The following TMEFF2 variants were observed in gnomAD, a reference collection of about 807,000 sequenced individuals.
The protein encoded by TMEFF2 is transmembrane protein with EGF like and two follistatin like domains 2, also known as tomoregulin-2.
Under a neutral mutation model 53.8 loss-of-function variants are expected in TMEFF2, and 28 were observed. The ratio of observed to expected loss-of-function variants is 0.52; its 90% CI spans 0.39 to 0.71. The LOEUF (loss-of-function observed/expected upper bound fraction) is 0.71, where lower values mean the gene tolerates loss of function less well. Among genes scored for constraint, TMEFF2 ranks in the 30% least tolerant of loss-of-function variants. The probability of loss-of-function intolerance (pLI) is 0.00; values close to 1 mark genes in which losing one functional copy is unlikely to be tolerated. For missense variants in TMEFF2, 353 were observed against 455.2 expected (o/e 0.78, Z 2.04); for synonymous variants, 162 against 166.3 (o/e 0.97, Z 0.20).
chr2:192,096,670 CTTTTTT>C (rs1179296312), intron 4 of TMEFF2, among the ~76,000 whole-genome samples: 8 of 53,688 alleles, frequency 1.5e-4, no homozygotes, highest in African/African-American at 1.1e-3. Flanking sequence ...CTCTCTCTCT[CTTTTTT>C]TTTTTTTTTT....
intron 7 of TMEFF2, among the ~76,000 whole-genome samples, chr2:191,974,468 T>A (rs1692742818): frequency 6.6e-6 from 1 of 152,124 alleles, no homozygotes; most frequent in Non-Finnish European, 1.5e-5. Flanking sequence ...ATAAAGTATA[T>A]TGGCTTTTTT....
chr2:192,019,908 A>T (rs886506976), intron 5 of TMEFF2, among the ~76,000 whole-genome samples: 2 of 152,092 alleles, frequency 1.3e-5, no homozygotes, highest in Admixed American at 6.6e-5. Flanking sequence ...TACTGCAGTT[A>T]TACTATTTTT....
At position 192,164,465 on chromosome 2, in the gene TMEFF2, CATGCCTGTA is replaced by C. The variant is rs1395902762; in HGVS notation, c.439+15194_439+15202del. ...TAATTACAGGCCAGGCGCGGTGGCT[CATGCCTGTA>C]ATCCCAGCACTTTGGGAGGCTGAGG... On this transcript the variant is annotated intron_variant, in intron 4 of 9. Transcript: ENST00000272771. 2.0e-5 allele frequency among the ~76,000 whole-genome samples: 3 copies of C among 152,256 alleles called. No individual in the cohort carries two copies. In the East Asian group the frequency reaches 5.8e-4, roughly 29 times the overall value.
Position 192,194,458 on chromosome 2 carries a change from G to C in TMEFF2, c.67C>G (p.Leu23Val), listed in dbSNP as rs150944192. 1.2e-6 allele frequency: 2 copies of C among 1,614,058 alleles called. No individual in the cohort carries two copies. Among genetic ancestry groups the C allele is most frequent in the African/African-American group, 1.3e-5 (1 of 74,918 alleles). The change falls in exon 1 of 10, where the codon CTG becomes GTG. Residue 23 changes from leucine to valine, a missense_variant. Physicochemically the swap from Leu to Val is conservative, Grantham distance 32 (BLOSUM62 1). Around this residue, in one of 3 missense-constraint regions of TMEFF2, gnomAD observed 54 missense variants for 41.8 expected, o/e 1.29. Coordinates refer to ENST00000272771, the MANE Select transcript of TMEFF2 (RefSeq NM_016192.4). The surrounding 1 kb of genome is among the most constrained non-coding windows in gnomAD (Gnocchi z 4.2). ...WTLCEGFCWL[L>V]LLPVMLLIVA... ...ATGAGTAGCATGACGGGCAGCAGCA[G>C]CAGCCAGCAAAAGCCCTCGCAAAGT...
chr2:192,101,171 C>T lies in TMEFF2; in HGVS notation c.440-43396G>A, dbSNP rs538289083. ...GGTTTACTGTGTTTCAGCAGCTTAG[C>T]TAGTGAAACAGTAGAGTTTAATTAT... On this transcript the variant is annotated intron_variant, in intron 4 of 9. Transcript: ENST00000272771. Among the ~76,000 whole-genome samples the T allele has an allele frequency of 4.6e-5, 7 of 152,246 alleles. No individual in the cohort carries two copies. The South Asian group carries it at 1.5e-3, about 32-fold the overall frequency.
At chr2:192,147,051 G>T (rs1368197275) in intron 4 of TMEFF2, among the ~76,000 whole-genome samples, 1 of 152,048 alleles carries the variant, frequency 6.6e-6, no homozygotes, top group Non-Finnish European at 1.5e-5. Context: ...GATGACAACT[G>T]CACTTTACTT....
chr2:192,056,344 G>T (rs1353453493), intron 5 of TMEFF2, among the ~76,000 whole-genome samples: 1 of 151,814 alleles, frequency 6.6e-6, no homozygotes, highest in Admixed American at 6.6e-5. Context: ...AAGAGGAGAA[G>T]GGGAAAGACA....
intron 5 of TMEFF2, among the ~76,000 whole-genome samples, chr2:192,040,540 A>G (rs1687448498): frequency 1.3e-5 from 2 of 152,146 alleles, no homozygotes; most frequent in African/African-American, 4.8e-5. Flanking sequence ...ATGATAGATT[A>G]TCTTCTCAAA....
At chr2:192,129,795 A>C (rs556520756) in intron 4 of TMEFF2, among the ~76,000 whole-genome samples, 1 of 152,244 alleles carries the variant, frequency 6.6e-6, no homozygotes, top group African/African-American at 2.4e-5. Flanking sequence ...CAGTACATAC[A>C]TCATAAAACA....
intron 4 of TMEFF2, among the ~76,000 whole-genome samples, chr2:192,061,761 C>T (rs1688049646): frequency 6.6e-6 from 1 of 152,116 alleles, no homozygotes; most frequent in South Asian, 2.1e-4. Context: ...GGGCCATACC[C>T]TTGGTGATGA....
Position 191,953,668 on chromosome 2 carries a change from C to A in TMEFF2, c.1028+11G>T. 1 of 1,611,894 alleles carries A rather than the reference C, an allele frequency of 6.2e-7. No individual in the cohort carries two copies. Among genetic ancestry groups the A allele is most frequent in the South Asian group, 1.1e-5 (1 of 90,716 alleles). On this transcript the variant is annotated intron_variant, in intron 9 of 9. Coordinates refer to ENST00000272771, the MANE Select transcript of TMEFF2 (RefSeq NM_016192.4). ...CCTTTATTTGGGTAGCCACCAAGTGCTGTTACTGACCTTGTGATGCAGAGG... is the reference window on the plus strand; with the variant it reads ...CCTTTATTTGGGTAGCCACCAAGTGATGTTACTGACCTTGTGATGCAGAGG...
chr2:191,983,272 G>T (rs948261693), intron 7 of TMEFF2, among the ~76,000 whole-genome samples: 1 of 152,152 alleles, frequency 6.6e-6, no homozygotes, highest in Non-Finnish European at 1.5e-5. Context: ...AAGGCAGATG[G>T]ATATGCATGA....
chr2:192,065,655 T>C (rs1424590085), intron 4 of TMEFF2, among the ~76,000 whole-genome samples: 2 of 151,782 alleles, frequency 1.3e-5, no homozygotes, highest in African/African-American at 4.8e-5. Context: ...TTTTTTTACT[T>C]TATTTACATA....
At chr2:192,142,062 AT>A (rs140120744) in intron 4 of TMEFF2, among the ~76,000 whole-genome samples, 2,136 of 152,246 alleles carry the variant, frequency 0.014, 50 homozygotes, top group African/African-American at 0.045. Context: ...CCATTAGAAT[AT>A]TTTTTAAAGA....
At chr2:192,082,681 G>A (rs1688580066) in intron 4 of TMEFF2, among the ~76,000 whole-genome samples, 1 of 151,934 alleles carries the variant, frequency 6.6e-6, no homozygotes. Flanking sequence ...TTACTTACTG[G>A]GATTCTATAG....
At chr2:192,176,519 G>T (rs1471719485) in intron 4 of TMEFF2, among the ~76,000 whole-genome samples, 1 of 151,276 alleles carries the variant, frequency 6.6e-6, no homozygotes, top group East Asian at 1.9e-4. Flanking sequence ...CTTTAGGAGA[G>T]AATGCATCTT....
At chr2:192,161,923 T>A (rs1690643355) in intron 4 of TMEFF2, among the ~76,000 whole-genome samples, 1 of 152,124 alleles carries the variant, frequency 6.6e-6, no homozygotes, top group Non-Finnish European at 1.5e-5. Flanking sequence ...TTTGGCATGA[T>A]GAGATGCTTG....
intron 4 of TMEFF2, among the ~76,000 whole-genome samples, chr2:192,077,816 T>A (rs1209575179): frequency 6.6e-6 from 1 of 152,042 alleles, no homozygotes; most frequent in African/African-American, 2.4e-5. Context: ...TTGTATATGT[T>A]TATATATATA....
intron 4 of TMEFF2, among the ~76,000 whole-genome samples, chr2:192,162,060 A>C (rs545183339): frequency 3.4e-4 from 52 of 152,310 alleles, no homozygotes; most frequent in African/African-American, 1.2e-3. Context: ...CTGCTTCCTT[A>C]CTGATGTTGG....
Sources: gnomAD v4.1 joint callset for allele counts (sites outside exome capture counted in the v4.1 genomes callset) on GRCh38, gnomAD v4.1.1 for gene constraint, gnomAD v4.1.1 regional missense constraint, Gnocchi (gnomAD v3.1) non-coding constraint, MANE v1.5 for transcripts, NCBI Gene and HGNC (gene_info 2026-07-23, HGNC 2026-07-21) for gene names.